Variants in CDKL1 observed in about 807,000 individuals in gnomAD.
CDKL1 encodes cyclin dependent kinase like 1, also known as cyclin-dependent kinase-like 1.
A neutral mutation model predicts 42.0 loss-of-function variants in CDKL1; 41 were observed. The ratio of observed to expected loss-of-function variants is 0.98; its 90% confidence interval spans 0.76 to 1.27. The LOEUF (loss-of-function observed/expected upper bound fraction) is 1.27, where lower values mean the gene tolerates loss of function less well. Among genes scored for constraint, CDKL1 ranks in the 50% most tolerant of loss-of-function variants. The pLI is 0.00. For synonymous variants in CDKL1, 153 were observed against 158.6 expected (o/e 0.96, Z 0.26); for missense variants, 394 against 428.4 (o/e 0.92, Z 0.71).
chr14:50,344,974 C>A lies in CDKL1; in HGVS notation c.363+12G>T. The A allele has an allele frequency of 6.2e-7, 1 of 1,609,398 alleles. No individual in the cohort carries two copies. Among genetic ancestry groups the A allele is most frequent in the East Asian group, 2.2e-5 (1 of 44,844 alleles). On this transcript the variant is annotated intron_variant, in intron 4 of 9. Coordinates refer to ENST00000395834, the MANE Select transcript of CDKL1 (RefSeq NM_004196.7). ...AGCCTTGTTGCTTTTCAAAAGAGAT[C>A]ATGAGACTTACATTGTGTTTATGGC...
chr14:50,353,425 A>G (rs1009045242), intron 3 of CDKL1, among the ~76,000 whole-genome samples: 5 of 152,182 alleles, frequency 3.3e-5, no homozygotes, highest in African/African-American at 1.2e-4. Context: ...AGATCATCAA[A>G]CAGTTGGCAT....
At chr14:50,382,321 C>T (rs1023635881) in intron 2 of CDKL1, among the ~76,000 whole-genome samples, 123 of 152,132 alleles carry the variant, frequency 8.1e-4, no homozygotes, top group African/African-American at 2.9e-3. Flanking sequence ...GGCGTGGTAG[C>T]GGGCGCCTGT....
upstream of CDKL1, chr14:50,397,186 T>C (rs1157780926): frequency 1.5e-6 from 2 of 1,366,438 alleles, no homozygotes; most frequent in African/African-American, 3.0e-5. Flanking sequence ...TCCTGAGCGG[T>C]CCACATTTCC....
At chr14:50,386,646 G>C (rs1287538188) in intron 2 of CDKL1, among the ~76,000 whole-genome samples, 4 of 152,000 alleles carry the variant, frequency 2.6e-5, no homozygotes, top group Non-Finnish European at 2.9e-5. Flanking sequence ...ACTCTGGCTG[G>C]ACATGTTGGG....
intron 3 of CDKL1, among the ~76,000 whole-genome samples, chr14:50,354,079 C>T (rs1443629864): frequency 1.3e-5 from 2 of 151,652 alleles, no homozygotes; most frequent in African/African-American, 2.4e-5. Context: ...CTCAGCCTCC[C>T]GAGTAGCTGG....
chr14:50,391,837 C>G (rs757893557), intron 2 of CDKL1, among the ~76,000 whole-genome samples: 1 of 152,174 alleles, frequency 6.6e-6, no homozygotes, highest in African/African-American at 2.4e-5. Context: ...GTACTTCTCA[C>G]TCGTATAATA....
intron 4 of CDKL1, chr14:50,342,863 A>G: frequency 2.4e-6 from 3 of 1,248,728 alleles, no homozygotes; most frequent in Non-Finnish European, 3.1e-6. Context: ...CAGCTCTGAC[A>G]TTCATCCGGA....
chr14:50,332,175 G>A (rs762525848), intron 9 of CDKL1, 87 bp downstream of exon 9: 4 of 1,613,886 alleles, frequency 2.5e-6, no homozygotes, highest in African/African-American at 1.3e-5. Flanking sequence ...GAGGATGCTG[G>A]AGCTGAAAGC....
intron 8 of CDKL1, chr14:50,332,950 G>A: frequency 3.2e-6 from 1 of 311,450 alleles, no homozygotes; most frequent in Non-Finnish European, 5.6e-6. Flanking sequence ...AATAGTTGAT[G>A]CATTATAAGT....
intron 2 of CDKL1, among the ~76,000 whole-genome samples, chr14:50,394,806 A>C (rs139568599): frequency 0.012 from 1,838 of 152,192 alleles, 44 homozygotes; most frequent in African/African-American, 0.042. Context: ...CCCCCCTCTG[A>C]TATCATGTTA....
chr14:50,381,260 G>T lies in CDKL1; in HGVS notation c.168+14441C>A, dbSNP rs181117975. ...GCATGTCATTGGGACTTGGTAGAGTGAGCACATGAATGTAGGACATCAAGT... is the reference window on the plus strand; with the variant it reads ...GCATGTCATTGGGACTTGGTAGAGTTAGCACATGAATGTAGGACATCAAGT... On this transcript the variant is annotated intron_variant, in intron 2 of 9. Coordinates refer to ENST00000395834, the MANE Select transcript of CDKL1 (RefSeq NM_004196.7). 2.6e-5 allele frequency among the ~76,000 whole-genome samples: 4 copies of T among 152,324 alleles called. No homozygotes were observed. In the East Asian group the frequency reaches 7.7e-4, roughly 29 times the overall value.
chr14:50,362,977 T>A, intron 2 of CDKL1: 1 of 466,348 alleles, frequency 2.1e-6, no homozygotes, highest in Middle Eastern at 4.2e-4. Context: ...TCCGCACTGC[T>A]GTAACACTTA....
chr14:50,332,966 T>C, intron 8 of CDKL1: 1 of 288,516 alleles, frequency 3.5e-6, no homozygotes, highest in Non-Finnish European at 6.4e-6. Flanking sequence ...TAAGTATATA[T>C]GATCATGTAT....
intron 2 of CDKL1, among the ~76,000 whole-genome samples, chr14:50,369,286 A>G (rs1463099689): frequency 6.6e-6 from 1 of 152,086 alleles, no homozygotes; most frequent in Admixed American, 6.5e-5. Context: ...TAGGGCTGAG[A>G]GCAGCTGTTC....
intron 2 of CDKL1, among the ~76,000 whole-genome samples, chr14:50,361,677 C>T (rs1400164606): frequency 6.6e-6 from 1 of 152,230 alleles, no homozygotes; most frequent in African/African-American, 2.4e-5. Flanking sequence ...AGCGGCCACA[C>T]CTCTTAATAC....
intron 2 of CDKL1, among the ~76,000 whole-genome samples, chr14:50,375,012 G>C (rs1333847602): frequency 6.6e-6 from 1 of 151,924 alleles, no homozygotes; most frequent in Non-Finnish European, 1.5e-5. Context: ...CTAGATGATG[G>C]GTTGATAGGT....
intron 7 of CDKL1, chr14:50,335,998 CTCCATAGCTTAAATATTTCTCT>C: frequency 7.3e-7 from 1 of 1,366,894 alleles, no homozygotes; most frequent in Non-Finnish European, 9.8e-7. Flanking sequence ...TCCACTCATG[CTCCATAGCTTAAATATTTCTCT>C]TGTTCTTTCT....
At chr14:50,354,329 G>A (rs1056256793) in intron 3 of CDKL1, among the ~76,000 whole-genome samples, 1 of 152,168 alleles carries the variant, frequency 6.6e-6, no homozygotes, top group Non-Finnish European at 1.5e-5. Flanking sequence ...AAAAGAGAGA[G>A]AACATTTCTG....
intron 2 of CDKL1, among the ~76,000 whole-genome samples, chr14:50,360,937 C>T (rs1413249670): frequency 6.6e-6 from 1 of 152,110 alleles, no homozygotes; most frequent in Non-Finnish European, 1.5e-5. Context: ...TTTATCCATT[C>T]ATCTTTTGAT....
Sources: allele counts gnomAD v4.1 joint callset (sites outside exome capture counted in the v4.1 genomes callset), GRCh38; gene constraint gnomAD v4.1.1; transcripts MANE v1.5; gene names NCBI Gene and HGNC (gene_info 2026-07-23, HGNC 2026-07-21).